GLIS3: variants seen among roughly 807,000 people sequenced by gnomAD.
The protein encoded by GLIS3 is zinc finger protein GLIS3.
In GLIS3, 53 loss-of-function variants were observed where a neutral mutation model predicts 78.6. The ratio of observed to expected loss-of-function variants is 0.67; its 90% confidence interval spans 0.54 to 0.85. GLIS3 has a LOEUF of 0.85. Among genes scored for constraint, GLIS3 ranks in the 40% least tolerant of loss-of-function variants. The pLI, the probability that GLIS3 is intolerant of heterozygous loss-of-function variation, is 0.00. For missense variants in GLIS3, 1,703 were observed against 1,231.1 expected (o/e 1.38, Z -5.74); for synonymous variants, 684 against 509.9 (o/e 1.34, Z -4.60).
intron 2 of GLIS3, among the ~76,000 whole-genome samples, chr9:4,139,392 C>T (rs1030377952): frequency 4.6e-5 from 7 of 152,162 alleles, no homozygotes; most frequent in African/African-American, 7.2e-5. Context: ...TTCAAGGCCA[C>T]GAATCAAATT....
At chr9:3,915,253 C>T (rs1824430617) in intron 6 of GLIS3, among the ~76,000 whole-genome samples, 1 of 152,272 alleles carries the variant, frequency 6.6e-6, no homozygotes, top group East Asian at 1.9e-4. Flanking sequence ...TTCTTATCAT[C>T]CACCCCCTCC....
rs576846191 is a variant in GLIS3 at position 4,176,179 on chromosome 9, G to A, written c.389-50238C>T. 1.6e-3 allele frequency among the ~76,000 whole-genome samples: 240 copies of A among 152,068 alleles called. 1 individual carries two copies. The highest frequency in any genetic ancestry group is 2.8e-3 in the Non-Finnish European group (189 of 68,010). On this transcript the variant is annotated intron_variant, in intron 2 of 10. Transcript: ENST00000381971. ...ATCAAGATCTGGTGGCACTTTCGGCGGACTTGTCAGGAAGAGAAAAAAACT... is the reference window on the plus strand; with the variant it reads ...ATCAAGATCTGGTGGCACTTTCGGCAGACTTGTCAGGAAGAGAAAAAAACT...
At chr9:3,913,143 G>A (rs1481124152) in intron 6 of GLIS3, among the ~76,000 whole-genome samples, 1 of 151,996 alleles carries the variant, frequency 6.6e-6, no homozygotes, top group African/African-American at 2.4e-5. Context: ...GTGTGGGGAG[G>A]GACTCACTGT....
chr9:4,480,644 T>A, the GLIS3 span, among the ~76,000 whole-genome samples: 1 of 152,116 alleles, frequency 6.6e-6, no homozygotes, highest in Non-Finnish European at 1.5e-5. Flanking sequence ...AATCATAATA[T>A]CCTCAGCATA....
At chr9:4,031,393 G>A (rs528615282) in intron 4 of GLIS3, among the ~76,000 whole-genome samples, 201 of 152,274 alleles carry the variant, frequency 1.3e-3, no homozygotes, top group African/African-American at 3.1e-3. Context: ...ACAAAAGGTC[G>A]TATAATATAT....
chr9:4,296,724 G>A (rs769858190), intron 1 of GLIS3, among the ~76,000 whole-genome samples: 2 of 151,900 alleles, frequency 1.3e-5, no homozygotes, highest in Non-Finnish European at 2.9e-5. Context: ...AGAAAAGAAA[G>A]CAATTACAAA....
intron 4 of GLIS3, among the ~76,000 whole-genome samples, chr9:4,085,183 G>C (rs895714385): frequency 7.9e-5 from 12 of 152,004 alleles, no homozygotes; most frequent in African/African-American, 2.7e-4. Context: ...AACACTCCTT[G>C]CTCAAACTCC....
intron 4 of GLIS3, among the ~76,000 whole-genome samples, chr9:3,943,784 C>T (rs1455891136): frequency 6.6e-6 from 1 of 152,182 alleles, no homozygotes; most frequent in Non-Finnish European, 1.5e-5. Flanking sequence ...TGAGTGCGTG[C>T]CGGTCATCTG....
intron 4 of GLIS3, among the ~76,000 whole-genome samples, chr9:4,106,926 G>C (rs150528638): frequency 6.6e-6 from 1 of 152,068 alleles, no homozygotes; most frequent in African/African-American, 2.4e-5. Flanking sequence ...ATTTGGACAA[G>C]GTGGGAAAAA....
intron 4 of GLIS3, among the ~76,000 whole-genome samples, chr9:3,965,626 C>G (rs188672118): frequency 1.3e-5 from 2 of 152,126 alleles, no homozygotes; most frequent in African/African-American, 4.8e-5. Flanking sequence ...AACCTCCTGA[C>G]GAAACATGTG....
chr9:4,475,736 G>T, the GLIS3 span, among the ~76,000 whole-genome samples: 10 of 152,182 alleles, frequency 6.6e-5, no homozygotes, highest in Middle Eastern at 3.2e-3. Flanking sequence ...GTGTACAAGG[G>T]AGGGGAATAT....
intron 2 of GLIS3, among the ~76,000 whole-genome samples, chr9:4,311,477 G>A (rs541827999): frequency 1.5e-4 from 23 of 152,308 alleles, no homozygotes; most frequent in Admixed American, 1.4e-3. Context: ...CTTACTCTGA[G>A]AAGCAGTCCA....
intron 2 of GLIS3, among the ~76,000 whole-genome samples, chr9:4,207,443 C>T (rs1043352182): frequency 6.6e-6 from 1 of 152,140 alleles, no homozygotes; most frequent in Non-Finnish European, 1.5e-5. Flanking sequence ...GTATTTTTTT[C>T]ATTATGCCTT....
chr9:4,275,976 AC>A (rs765826596), intron 2 of GLIS3, among the ~76,000 whole-genome samples: 130 of 151,990 alleles, frequency 8.6e-4, no homozygotes, highest in Non-Finnish European at 1.4e-3. Context: ...TTCCCCTTTA[AC>A]CACCTTAGAA....
At chr9:4,215,079 T>C (rs1242131621) in intron 2 of GLIS3, among the ~76,000 whole-genome samples, 1 of 152,174 alleles carries the variant, frequency 6.6e-6, no homozygotes, top group Non-Finnish European at 1.5e-5. Flanking sequence ...GTGCAGAGAT[T>C]CACAAAGAGT....
intron 4 of GLIS3, among the ~76,000 whole-genome samples, chr9:4,062,702 C>T (rs1025390943): frequency 3.3e-5 from 5 of 152,020 alleles, no homozygotes; most frequent in African/African-American, 4.8e-5. Context: ...CCGAGGCGGG[C>T]GGATCACAAG....
chr9:4,449,002 A>G, the GLIS3 span, among the ~76,000 whole-genome samples: 6 of 152,108 alleles, frequency 3.9e-5, no homozygotes, highest in Non-Finnish European at 8.8e-5. Context: ...GGGTGAGCTG[A>G]AGCAGGGCAG....
chr9:4,380,942 A>T, the GLIS3 span, among the ~76,000 whole-genome samples: 27 of 152,294 alleles, frequency 1.8e-4, no homozygotes, highest in East Asian at 5.0e-3. Flanking sequence ...GTACAAACCC[A>T]AGAGGAAAAT....
intron 4 of GLIS3, among the ~76,000 whole-genome samples, chr9:4,056,262 G>A (rs922681907): frequency 5.9e-5 from 9 of 152,174 alleles, no homozygotes; most frequent in African/African-American, 2.2e-4. Flanking sequence ...GACCAACCTT[G>A]AAGACATGGG....
Sources: gnomAD v4.1 joint callset for allele counts (sites outside exome capture counted in the v4.1 genomes callset) on GRCh38, gnomAD v4.1.1 for gene constraint, MANE v1.5 for transcripts, NCBI Gene and HGNC (gene_info 2026-07-23, HGNC 2026-07-21) for gene names.